RIMS2: variants seen among roughly 807,000 people sequenced by gnomAD.
The protein encoded by RIMS2 is regulating synaptic membrane exocytosis 2, also known as regulating synaptic membrane exocytosis protein 2.
RIMS2 carries 59 observed loss-of-function variants against 174.4 expected under a neutral mutation model. The ratio of observed to expected loss-of-function variants is 0.34; its 90% CI spans 0.27 to 0.42. The LOEUF is 0.42. Among genes scored for constraint, RIMS2 ranks in the 10% least tolerant of loss-of-function variants. The pLI is 1.00. For synonymous variants in RIMS2, 606 were observed against 572.5 expected (o/e 1.06, Z -0.84); for missense variants, 1,620 against 1,666.3 (o/e 0.97, Z 0.48).
chr8:103,673,157 C>T lies in RIMS2; in HGVS notation c.177-23929C>T, dbSNP rs563310770. On this transcript the variant is annotated intron_variant, in intron 1 of 23. Transcript: ENST00000504942. The stretch of plus-strand genomic sequence containing the variant: ...GCTCCTATGGCCTTGGGCAGCTCCA[C>T]CCCTGTGGCTTTGCAGGGTACTGCC... 3.3e-5 allele frequency among the ~76,000 whole-genome samples: 5 copies of T among 152,344 alleles called. No homozygotes were observed. The South Asian group carries it at 8.3e-4, about 25-fold the overall frequency.
intron 1 of RIMS2, among the ~76,000 whole-genome samples, chr8:103,647,576 T>C (rs1428855038): frequency 6.6e-6 from 1 of 152,186 alleles, no homozygotes; most frequent in Non-Finnish European, 1.5e-5. Flanking sequence ...GTTGGTAGGC[T>C]ATCTATTACT....
intron 19 of RIMS2, among the ~76,000 whole-genome samples, chr8:104,136,440 G>A (rs372210919): frequency 6.6e-6 from 1 of 152,192 alleles, no homozygotes; most frequent in African/African-American, 2.4e-5. Context: ...CACGTGGATT[G>A]TGTATAGCAT....
chr8:104,211,477 A>G (rs1036071513), intron 19 of RIMS2, among the ~76,000 whole-genome samples: 1 of 152,176 alleles, frequency 6.6e-6, no homozygotes, highest in East Asian at 1.9e-4. Flanking sequence ...AGGTCCTCCA[A>G]GGTTATGCTA....
chr8:103,982,252 G>C (rs948275730), intron 16 of RIMS2, among the ~76,000 whole-genome samples: 13 of 151,888 alleles, frequency 8.6e-5, no homozygotes, highest in African/African-American at 2.7e-4. Flanking sequence ...AAGCCATAAT[G>C]AACAGTCTCC....
chr8:104,211,794 G>C (rs932970104), intron 19 of RIMS2, among the ~76,000 whole-genome samples: 1 of 152,120 alleles, frequency 6.6e-6, no homozygotes, highest in South Asian at 2.1e-4. Context: ...GATTACAGGC[G>C]TGAGCCACCG....
intron 2 of RIMS2, among the ~76,000 whole-genome samples, chr8:103,720,295 G>C (rs2097429316): frequency 6.6e-6 from 1 of 152,080 alleles, no homozygotes; most frequent in African/African-American, 2.4e-5. Context: ...TTCTCATATA[G>C]AGTTGCAATT....
chr8:104,251,695 G>A, exon 24 of RIMS2: 1 of 1,604,018 alleles, frequency 6.2e-7, no homozygotes, highest in South Asian at 1.1e-5. Flanking sequence ...ATCCAATATG[G>A]TGATCGGATG....
At chr8:103,756,716 G>A (rs1162695421) in intron 2 of RIMS2, among the ~76,000 whole-genome samples, 4 of 151,952 alleles carry the variant, frequency 2.6e-5, no homozygotes, top group South Asian at 2.1e-4. Context: ...TAGCCATTGT[G>A]CCCAGCCTGT....
intron 5 of RIMS2, chr8:103,910,362 GT>G: frequency 6.3e-7 from 1 of 1,598,326 alleles, no homozygotes; most frequent in Non-Finnish European, 8.5e-7. Context: ...TGAGCAGGCA[GT>G]TTTGTCGGAC....
chr8:103,863,587 G>T (rs192640801), intron 3 of RIMS2, among the ~76,000 whole-genome samples: 2 of 148,878 alleles, frequency 1.3e-5, no homozygotes, highest in Admixed American at 6.7e-5. Flanking sequence ...TTTTTTTATT[G>T]TTGGAAGTTT....
chr8:103,594,297 A>G (rs2094397258), intron 1 of RIMS2, among the ~76,000 whole-genome samples: 1 of 151,692 alleles, frequency 6.6e-6, no homozygotes, highest in South Asian at 2.1e-4. Context: ...TATTTAAAAT[A>G]GCCCCTAAGT....
intron 17 of RIMS2, among the ~76,000 whole-genome samples, chr8:104,003,048 T>A (rs961461406): frequency 3.9e-5 from 6 of 152,206 alleles, no homozygotes; most frequent in South Asian, 2.1e-4. Flanking sequence ...AATATACCCT[T>A]TATTTTAATA....
At chr8:103,591,526 C>T (rs888875105) in intron 1 of RIMS2, among the ~76,000 whole-genome samples, 2 of 151,018 alleles carry the variant, frequency 1.3e-5, no homozygotes, top group African/African-American at 2.4e-5. Context: ...CTTCTAAAAT[C>T]TTTATAGGTT....
intron 1 of RIMS2, among the ~76,000 whole-genome samples, chr8:103,577,157 A>G (rs2093307525): frequency 2.0e-5 from 3 of 152,200 alleles, no homozygotes; most frequent in Admixed American, 2.0e-4. Flanking sequence ...AATGGGAGAA[A>G]ATTTTTGCAA....
At chr8:103,619,110 A>AAC (rs2095573313) in intron 1 of RIMS2, among the ~76,000 whole-genome samples, 1 of 146,700 alleles carries the variant, frequency 6.8e-6, no homozygotes, top group South Asian at 2.1e-4. Context: ...AAAAAAAAAA[A>AAC]ACCAATATGG....
chr8:103,975,611 A>G, intron 16 of RIMS2, 105 bp downstream of exon 18: 1 of 730,258 alleles, frequency 1.4e-6, no homozygotes, highest in Non-Finnish European at 2.2e-6. Context: ...GGAGTTTATT[A>G]GGGAGAATTG....
At chr8:104,094,556 A>C in intron 19 of RIMS2, 1 of 702,134 alleles carries the variant, frequency 1.4e-6, no homozygotes, top group Non-Finnish European at 2.6e-6. Flanking sequence ...AGGTAAAGGA[A>C]GAAAGAATTA....
At chr8:104,049,816 G>A (rs1017931509) in intron 19 of RIMS2, among the ~76,000 whole-genome samples, 1 of 152,194 alleles carries the variant, frequency 6.6e-6, no homozygotes, top group African/African-American at 2.4e-5. Context: ...TTGAAGAGTT[G>A]TGTTTAAAAT....
At chr8:103,687,132 A>G (rs1242758053) in intron 1 of RIMS2, among the ~76,000 whole-genome samples, 2 of 152,160 alleles carry the variant, frequency 1.3e-5, no homozygotes, top group Non-Finnish European at 2.9e-5. Context: ...TTTAATGGAT[A>G]TAAAGCTTGT....
Sources: allele counts gnomAD v4.1 joint callset (sites outside exome capture counted in the v4.1 genomes callset), GRCh38; gene constraint gnomAD v4.1.1; transcripts MANE v1.5; gene names NCBI Gene and HGNC (gene_info 2026-07-23, HGNC 2026-07-21).